Variants in ANXA6 observed in about 807,000 individuals in gnomAD.
ANXA6 encodes the protein 67 kDa calelectrin.
Under a neutral mutation model 95.4 loss-of-function variants are expected in ANXA6, and 71 were observed. That is an observed-to-expected ratio of 0.74 (90% confidence interval 0.61 to 0.91). ANXA6 has a LOEUF of 0.91. ANXA6 is among the 40% of genes least tolerant of loss of function. The pLI, the probability that ANXA6 is intolerant of heterozygous loss-of-function variation, is 0.00. For synonymous variants in ANXA6, 289 were observed against 315.9 expected, an observed-to-expected ratio of 0.91 and a Z score of 0.90; for missense variants, 830 against 876.4, an observed-to-expected ratio of 0.95 and a Z score of 0.67.
At chr5:151,108,605 G>A in intron 22 of ANXA6, 55 bp from the exon 23 acceptor site, 1 of 1,490,922 alleles carries the variant, frequency 6.7e-7, no homozygotes, top group Non-Finnish European at 9.4e-7. Flanking sequence ...AGGAGGCGGA[G>A]GACCCCTCCT....
chr5:151,114,020 A>G lies in ANXA6; in HGVS notation c.1572+3107T>C, dbSNP rs540943040. On this transcript the variant is annotated intron_variant, in intron 20 of 25. Coordinates refer to ENST00000354546, the MANE Select transcript of ANXA6 (RefSeq NM_001155.5). ...TAGGTTAGTGTTTTCTTAAGTGAAG[A>G]AGCCAGTCCAAAAGGCCACGTATTA... is the stretch of plus-strand genomic sequence containing the variant. Among the ~76,000 whole-genome samples the G allele has an allele frequency of 5.6e-4, 86 of 152,366 alleles. 2 individuals carry two copies. In the South Asian group the frequency reaches 0.017, roughly 30 times the overall value.
At chr5:151,102,992 CGTTT>C (rs759385358) in intron 25 of ANXA6, among the ~76,000 whole-genome samples, 10 of 151,876 alleles carry the variant, frequency 6.6e-5, no homozygotes, top group South Asian at 2.1e-4. Flanking sequence ...GTAAGTTTTT[CGTTT>C]GTTTGTTTGT....
rs1765640088 is a variant in ANXA6, at chr5:151,135,747, C to G, written c.489+509G>C. 2.0e-5 allele frequency among the ~76,000 whole-genome samples: 3 copies of G among 152,214 alleles called. No homozygotes were observed. In the South Asian group the frequency reaches 6.2e-4, roughly 31 times the overall value. ...CAGAAATCTGGTTTTTGAGCAAAAT[C>G]TCACAATTTTTAAATGTTAGCAACT... On this transcript the variant is annotated intron_variant, in intron 7 of 25. Coordinates refer to ENST00000354546, the MANE Select transcript of ANXA6 (RefSeq NM_001155.5).
At chr5:151,150,471 GT>G (rs1345709508) in intron 1 of ANXA6, among the ~76,000 whole-genome samples, 1 of 152,232 alleles carries the variant, frequency 6.6e-6, no homozygotes, top group Non-Finnish European at 1.5e-5. Context: ...CTGGTGGGAA[GT>G]TGAGGACAGG....
chr5:151,138,818 A>G (rs1431101802), intron 4 of ANXA6, 27 bp from the exon 5 acceptor site: 2 of 1,485,486 alleles, frequency 1.3e-6, no homozygotes, highest in Non-Finnish European at 1.9e-6. Flanking sequence ...AAGAGGAGAT[A>G]GAAGAGGAAA....
chr5:151,139,486 G>GCCTCCAGGAAGC, intron 3 of ANXA6, 39 bp from the exon 4 acceptor site: 1 of 1,528,696 alleles, frequency 6.5e-7, no homozygotes, highest in South Asian at 1.1e-5. Flanking sequence ...TACCCACCCT[G>GCCTCCAGGAAGC]CCTCCAGGAA....
intron 22 of ANXA6, among the ~76,000 whole-genome samples, chr5:151,108,765 G>A (rs1209825113): frequency 6.6e-6 from 1 of 152,360 alleles, no homozygotes; most frequent in East Asian, 1.9e-4. Context: ...AGCCAAATCT[G>A]TCCCACGCCA....
At chr5:151,156,302 A>G (rs1055603276) in intron 1 of ANXA6, among the ~76,000 whole-genome samples, 2 of 152,166 alleles carry the variant, frequency 1.3e-5, no homozygotes, top group Non-Finnish European at 2.9e-5. Flanking sequence ...TTTGCTCCAG[A>G]TGGGGCACAA....
intron 14 of ANXA6, among the ~76,000 whole-genome samples, chr5:151,125,294 A>G (rs1382848792): frequency 6.7e-6 from 1 of 148,770 alleles, no homozygotes; most frequent in African/African-American, 2.5e-5. Context: ...GTGAGCCATG[A>G]TCATGCCACT....
intron 22 of ANXA6, among the ~76,000 whole-genome samples, chr5:151,109,153 G>A (rs115940741): frequency 2.6e-5 from 4 of 152,062 alleles, no homozygotes; most frequent in Non-Finnish European, 5.9e-5. Context: ...AATCAAGGCC[G>A]TCCAGTGCCC....
At chr5:151,139,472 A>G in intron 3 of ANXA6, 25 bp from the exon 4 acceptor site, 2 of 1,575,804 alleles carry the variant, frequency 1.3e-6, no homozygotes, top group Non-Finnish European at 1.7e-6. Flanking sequence ...AGCAATCATC[A>G]TCCTACCCAC....
In ANXA6 at chr5:151,103,587, G is replaced by T; in HGVS notation, c.1945C>A (p.Leu649Ile). Residue 649 changes from leucine to isoleucine, a missense_variant, in exon 25 of 26, where the codon CTC becomes ATC. Coordinates refer to ENST00000354546, the MANE Select transcript of ANXA6 (RefSeq NM_001155.5). ...REFIEKYDKS[L>I]HQAIEGDTSG... ...CCCCTTACCTCAATGGCTTGGTGGAGAGACTTGTCATATTTCTCAATGAAT... is the reference window on the plus strand; with the variant it reads ...CCCCTTACCTCAATGGCTTGGTGGATAGACTTGTCATATTTCTCAATGAAT... 1.2e-6 allele frequency: 2 copies of T among 1,612,802 alleles called. No individual in the cohort carries two copies. Among genetic ancestry groups the T allele is most frequent in the Admixed American group, 3.3e-5 (2 of 59,872 alleles).
chr5:151,138,851 A>G (rs1765744778), intron 4 of ANXA6, 60 bp from the exon 5 acceptor site: 1 of 1,178,668 alleles, frequency 8.5e-7, no homozygotes, highest in Non-Finnish European at 1.3e-6. Context: ...TTACAACGGT[A>G]AGAATTACAC....
intron 2 of ANXA6, among the ~76,000 whole-genome samples, chr5:151,144,754 C>T (rs924675765): frequency 2.6e-5 from 4 of 152,122 alleles, no homozygotes; most frequent in Admixed American, 6.6e-5. Flanking sequence ...GCTTCTTGAG[C>T]AGCAAGCTCG....
intron 1 of ANXA6, among the ~76,000 whole-genome samples, chr5:151,149,011 TTA>T (rs1330673794): frequency 1.6e-5 from 1 of 62,798 alleles, no homozygotes; most frequent in East Asian, 8.7e-4. Flanking sequence ...CCGATCTCTA[TTA>T]AAAAAAAATA....
At chr5:151,143,312 C>T (rs1765886397) in intron 2 of ANXA6, among the ~76,000 whole-genome samples, 1 of 152,168 alleles carries the variant, frequency 6.6e-6, no homozygotes, top group Non-Finnish European at 1.5e-5. Context: ...ACCATGCCAG[C>T]CTGCCCCTCT....
intron 9 of ANXA6, 81 bp downstream of exon 9, chr5:151,133,013 G>T: frequency 1.9e-6 from 2 of 1,069,252 alleles, no homozygotes; most frequent in Non-Finnish European, 2.8e-6. Context: ...TCCATTAGTG[G>T]TAAAGAAAAG....
chr5:151,126,543 AACACACACACACACAC>A, intron 13 of ANXA6, 63 bp from the exon 14 acceptor site: 7 of 829,048 alleles, frequency 8.4e-6, no homozygotes, highest in South Asian at 1.5e-5. Flanking sequence ...CACTCACACC[AACACACACACACACAC>A]ACACACACAC....
intron 2 of ANXA6, among the ~76,000 whole-genome samples, chr5:151,145,197 C>T (rs2113953404): frequency 6.6e-6 from 1 of 152,268 alleles, no homozygotes; most frequent in South Asian, 2.1e-4. Context: ...TGGGCCCCAC[C>T]CAGGCTGCTG....
Sources: gnomAD v4.1 joint callset for allele counts (sites outside exome capture counted in the v4.1 genomes callset) on GRCh38, gnomAD v4.1.1 for gene constraint, MANE v1.5 for transcripts, NCBI Gene and HGNC (gene_info 2026-07-23, HGNC 2026-07-21) for gene names.